Variants in FTCDNL1 observed in about 807,000 individuals in gnomAD.
FTCDNL1 encodes formiminotransferase N-terminal subdomain-containing protein.
Under a neutral mutation model 5.9 loss-of-function variants are expected in FTCDNL1, and 11 were observed. The observed-to-expected ratio is 1.87, with a 90% CI of 1.18 to 3.10. FTCDNL1 has a LOEUF of 3.10. FTCDNL1 is among the 30% of genes most tolerant of loss of function. The pLI is 0.00. For missense variants in FTCDNL1, 115 were observed against 65.5 expected (o/e 1.76, Z -2.61); for synonymous variants, 58 against 24.8 (o/e 2.34, Z -3.99).
the FTCDNL1 span, among the ~76,000 whole-genome samples, chr2:199,739,515 T>C: frequency 2.6e-5 from 4 of 152,184 alleles, no homozygotes; most frequent in Admixed American, 6.5e-5. Context: ...CACTTCTGTT[T>C]TGGGAAGCTA....
At chr2:199,695,852 A>T in the FTCDNL1 span, among the ~76,000 whole-genome samples, 1 of 151,998 alleles carries the variant, frequency 6.6e-6, no homozygotes, top group East Asian at 1.9e-4. Flanking sequence ...GGATCACCAT[A>T]CTCCTCTAGG....
the FTCDNL1 span, among the ~76,000 whole-genome samples, chr2:199,717,584 G>A: frequency 1.6e-5 from 2 of 122,062 alleles, no homozygotes. Flanking sequence ...TCATTTCACA[G>A]AATAATATAC....
At chr2:199,802,121 A>G (rs1700488840) in intron 3 of FTCDNL1, among the ~76,000 whole-genome samples, 1 of 152,200 alleles carries the variant, frequency 6.6e-6, no homozygotes, top group Non-Finnish European at 1.5e-5. Flanking sequence ...AGGTGGGAAG[A>G]GACAGCAGTT....
At chr2:199,700,814 C>A in the FTCDNL1 span, among the ~76,000 whole-genome samples, 2 of 152,090 alleles carry the variant, frequency 1.3e-5, no homozygotes, top group Non-Finnish European at 2.9e-5. Context: ...GTAAGTGGTG[C>A]TGGGATAACT....
chr2:199,674,908 T>C, the FTCDNL1 span, among the ~76,000 whole-genome samples: 1 of 152,278 alleles, frequency 6.6e-6, no homozygotes, highest in Admixed American at 6.5e-5. Context: ...AGAACATCAA[T>C]AGAGGAGGTA....
At chr2:199,837,013 G>T (rs528270949) in intron 3 of FTCDNL1, among the ~76,000 whole-genome samples, 1 of 152,274 alleles carries the variant, frequency 6.6e-6, no homozygotes, top group South Asian at 2.1e-4. Flanking sequence ...AAAGAGTGCA[G>T]CTTTTTCAAG....
chr2:199,740,036 ACTT>A, the FTCDNL1 span, among the ~76,000 whole-genome samples: 1 of 152,162 alleles, frequency 6.6e-6, no homozygotes, highest in East Asian at 1.9e-4. Flanking sequence ...CGCCAGAAGA[ACTT>A]CGAGGGTGGA....
At chr2:199,671,181 AG>A in the FTCDNL1 span, among the ~76,000 whole-genome samples, 1 of 143,568 alleles carries the variant, frequency 7.0e-6, no homozygotes, top group Non-Finnish European at 1.5e-5. Context: ...AAAAAAAAAA[AG>A]GTAGCCTTCT....
At chr2:199,669,132 G>C in the FTCDNL1 span, among the ~76,000 whole-genome samples, 1 of 152,076 alleles carries the variant, frequency 6.6e-6, no homozygotes, top group Non-Finnish European at 1.5e-5. Context: ...CAACTTAACT[G>C]AACTTCCTGG....
intron 4 of FTCDNL1, among the ~76,000 whole-genome samples, chr2:199,817,743 CAA>C (rs751886241): frequency 3.2e-4 from 33 of 102,776 alleles, no homozygotes; most frequent in Admixed American, 4.3e-4. Context: ...GACCCTGTCT[CAA>C]AAAAAAAAAA....
intron 3 of FTCDNL1, among the ~76,000 whole-genome samples, chr2:199,832,874 T>C (rs545809355): frequency 1.3e-4 from 20 of 152,186 alleles, no homozygotes; most frequent in African/African-American, 3.9e-4. Context: ...CAAAAACTCT[T>C]AGAGACTGAA....
chr2:199,849,889 A>T (rs1382074403), intron 1 of FTCDNL1, among the ~76,000 whole-genome samples: 1 of 152,220 alleles, frequency 6.6e-6, no homozygotes, highest in East Asian at 1.9e-4. Flanking sequence ...ATATTTAATG[A>T]GGGTCTTTTT....
the FTCDNL1 span, among the ~76,000 whole-genome samples, chr2:199,743,591 TC>T: frequency 6.6e-6 from 1 of 152,114 alleles, no homozygotes; most frequent in South Asian, 2.1e-4. Flanking sequence ...AGGCAGCCTG[TC>T]AGAGGCTCTG....
At chr2:199,735,134 A>AAAAAAAAC in the FTCDNL1 span, among the ~76,000 whole-genome samples, 3 of 150,922 alleles carry the variant, frequency 2.0e-5, no homozygotes, top group African/African-American at 7.3e-5. Context: ...AAAAAAAAAA[A>AAAAAAAAC]ACCACATTAT....
At chr2:199,725,108 T>C in the FTCDNL1 span, among the ~76,000 whole-genome samples, 1 of 152,210 alleles carries the variant, frequency 6.6e-6, no homozygotes, top group African/African-American at 2.4e-5. Flanking sequence ...GCTCTTCTTG[T>C]TGAATTGAAT....
At chr2:199,836,768 A>C (rs1702775005) in intron 3 of FTCDNL1, among the ~76,000 whole-genome samples, 1 of 152,180 alleles carries the variant, frequency 6.6e-6, no homozygotes, top group South Asian at 2.1e-4. Context: ...TGTTTCAAAA[A>C]AAAAGGAAGA....
chr2:199,773,982 A>G (rs1698938632), intron 3 of FTCDNL1, among the ~76,000 whole-genome samples: 1 of 152,174 alleles, frequency 6.6e-6, no homozygotes, highest in African/African-American at 2.4e-5. Flanking sequence ...GATGCATTAC[A>G]TATCACTTTA....
chr2:199,768,011 A>G (rs748217467), intron 3 of FTCDNL1, among the ~76,000 whole-genome samples: 3 of 152,234 alleles, frequency 2.0e-5, no homozygotes, highest in Non-Finnish European at 4.4e-5. Flanking sequence ...GTTCTGTATA[A>G]CCTGAAACAT....
At chr2:199,827,064 C>T (rs893273434) in intron 3 of FTCDNL1, among the ~76,000 whole-genome samples, 4 of 152,184 alleles carry the variant, frequency 2.6e-5, no homozygotes, top group Non-Finnish European at 4.4e-5. Context: ...GTTTGTATCA[C>T]CAGAAGTGAG....
Sources: gnomAD v4.1 joint callset for allele counts (sites outside exome capture counted in the v4.1 genomes callset) on GRCh38, gnomAD v4.1.1 for gene constraint, MANE v1.5 for transcripts, NCBI Gene and HGNC (gene_info 2026-07-23, HGNC 2026-07-21) for gene names.